NCOA3: variants seen among roughly 807,000 people sequenced by gnomAD.
NCOA3 encodes CBP-interacting protein.
Under a neutral mutation model 158.8 loss-of-function variants are expected in NCOA3, and 51 were observed. The observed-to-expected ratio is 0.32, with a 90% CI of 0.26 to 0.41. The LOEUF is 0.41. NCOA3 is among the 10% of genes least tolerant of loss of function. The pLI, the probability that NCOA3 is intolerant of heterozygous loss-of-function variation, is 1.00. For synonymous variants in NCOA3, 537 were observed against 592.4 expected (o/e 0.91, Z 1.36); for missense variants, 1,510 against 1,746.6 (o/e 0.86, Z 2.41).
At chr20:47,646,543 G>A (rs2146339808) in intron 17 of NCOA3, among the ~76,000 whole-genome samples, 1 of 152,344 alleles carries the variant, frequency 6.6e-6, no homozygotes, top group African/African-American at 2.4e-5. Context: ...AAAGTTCAGA[G>A]ATGTTTTGGC....
At chr20:47,553,067 G>A (rs2084947948) in intron 1 of NCOA3, among the ~76,000 whole-genome samples, 1 of 151,872 alleles carries the variant, frequency 6.6e-6, no homozygotes, top group African/African-American at 2.4e-5. Flanking sequence ...CCGGGTAGCT[G>A]GGACTACAAG....
chr20:47,589,882 G>A (rs529853572), intron 2 of NCOA3, among the ~76,000 whole-genome samples: 90 of 152,000 alleles, frequency 5.9e-4, no homozygotes, highest in Non-Finnish European at 1.1e-3. Context: ...CCAAGAACAG[G>A]TACCAGGCCC....
At chr20:47,523,433 A>G (rs2146087174) in intron 1 of NCOA3, among the ~76,000 whole-genome samples, 1 of 152,254 alleles carries the variant, frequency 6.6e-6, no homozygotes, top group South Asian at 2.1e-4. Flanking sequence ...TTGGAGTTTG[A>G]TTGCTTCTAG....
At chr20:47,527,120 G>T (rs1166399748) in intron 1 of NCOA3, among the ~76,000 whole-genome samples, 1 of 152,120 alleles carries the variant, frequency 6.6e-6, no homozygotes, top group Non-Finnish European at 1.5e-5. Context: ...GTATATATAG[G>T]TGATCATGTC....
intron 2 of NCOA3, among the ~76,000 whole-genome samples, chr20:47,595,246 G>A (rs1030988672): frequency 3.3e-5 from 5 of 151,624 alleles, no homozygotes; most frequent in African/African-American, 1.2e-4. Flanking sequence ...CTACAGGCAC[G>A]TACCACCATG....
intron 18 of NCOA3, among the ~76,000 whole-genome samples, chr20:47,647,886 GTTTTT>G (rs140010942): frequency 1.5e-5 from 2 of 130,736 alleles, no homozygotes; most frequent in Non-Finnish European, 3.3e-5. Flanking sequence ...AATGCCTGAG[GTTTTT>G]TTTTTGTTTG....
At chr20:47,646,385 G>T (rs2086686126) in intron 17 of NCOA3, among the ~76,000 whole-genome samples, 1 of 152,182 alleles carries the variant, frequency 6.6e-6, no homozygotes, top group African/African-American at 2.4e-5. Context: ...ACTGTATTGT[G>T]ATATAGTAGG....
In NCOA3 at chr20:47,647,144, A is replaced by G; in HGVS notation, c.3324A>G (p.Ala1108=). The change falls in exon 18 of 23, where the codon GCA becomes GCG. Residue 1108 remains alanine, a synonymous_variant. Transcript: ENST00000371998. ...CAGCAGTAATGATGGATCAGAAGGC[A>G]GGATTATATGGACAGACATACCCAG... ...QEAAVMMDQK[A]GLYGQTYPAQ... 2 of 1,614,232 alleles carry G rather than the reference A, an allele frequency of 1.2e-6. No individual in the cohort carries two copies. The highest frequency in any genetic ancestry group is 1.7e-6 in the Non-Finnish European group (2 of 1,180,030).
chr20:47,515,759 C>T (rs1164546763), intron 1 of NCOA3, among the ~76,000 whole-genome samples: 5 of 152,076 alleles, frequency 3.3e-5, no homozygotes, highest in South Asian at 2.1e-4. Context: ...GGATTACAGG[C>T]GTGAGCCACT....
intron 1 of NCOA3, among the ~76,000 whole-genome samples, chr20:47,567,135 C>T (rs2085210076): frequency 6.6e-6 from 1 of 151,860 alleles, no homozygotes; most frequent in Non-Finnish European, 1.5e-5. Flanking sequence ...GCAACCTCTG[C>T]CTCCTGGGTT....
intron 1 of NCOA3, among the ~76,000 whole-genome samples, chr20:47,577,841 C>G (rs953694006): frequency 6.6e-6 from 1 of 152,152 alleles, no homozygotes; most frequent in Non-Finnish European, 1.5e-5. Context: ...CAGGCTGATT[C>G]CGTATAGAAC....
chr20:47,562,636 A>G (rs17788495), intron 1 of NCOA3, among the ~76,000 whole-genome samples: 10,335 of 152,150 alleles, frequency 0.068, 455 homozygotes, highest in Non-Finnish European at 0.097. Context: ...TTTGAATGTA[A>G]AACGGCCTAG....
At chr20:47,521,857 A>T (rs951244527) in intron 1 of NCOA3, among the ~76,000 whole-genome samples, 1 of 152,066 alleles carries the variant, frequency 6.6e-6, no homozygotes, top group Non-Finnish European at 1.5e-5. Context: ...TTCCTTTTCA[A>T]GTTGTTTTGG....
Position 47,627,120 on chromosome 20 carries a change from A to G in NCOA3, c.476A>G (p.Asn159Ser), listed in dbSNP as rs537574486. 32 of 1,612,468 alleles carry G rather than the reference A, an allele frequency of 2.0e-5. No homozygotes were observed. Among genetic ancestry groups the G allele is most frequent in the Non-Finnish European group, 2.6e-5 (31 of 1,179,002 alleles). ...GACCTGGTTAACACAAGTGTTTACA[A>G]TATCTTACATGAAGAAGACAGAAAG... ...QEDLVNTSVY[N>S]ILHEEDRKDF... Residue 159 changes from asparagine to serine, a missense_variant, in exon 6 of 23, where the codon AAT (asparagine) becomes AGT (serine). Physicochemically the swap from Asn to Ser is conservative, Grantham distance 46. Coordinates refer to ENST00000371998, the MANE Select transcript of NCOA3 (RefSeq NM_181659.3).
At chr20:47,627,464 A>G in intron 6 of NCOA3, 97 bp from the exon 7 acceptor site, 1 of 948,594 alleles carries the variant, frequency 1.1e-6, no homozygotes, top group South Asian at 1.6e-5. Context: ...AACTATGGAA[A>G]ACATGCATAA....
intron 1 of NCOA3, among the ~76,000 whole-genome samples, chr20:47,533,168 C>T (rs1323347456): frequency 6.8e-6 from 1 of 147,970 alleles, no homozygotes; most frequent in Non-Finnish European, 1.5e-5. Context: ...CTCTGTAATC[C>T]CAGCTACTCA....
chr20:47,554,156 C>T (rs1327353628), intron 1 of NCOA3, among the ~76,000 whole-genome samples: 8 of 152,180 alleles, frequency 5.3e-5, no homozygotes, highest in African/African-American at 1.9e-4. Flanking sequence ...CCAGTGATGA[C>T]GAGCATTTTT....
chr20:47,611,437 G>A (rs1488743875), intron 2 of NCOA3, among the ~76,000 whole-genome samples: 2 of 152,130 alleles, frequency 1.3e-5, no homozygotes, highest in Non-Finnish European at 2.9e-5. Context: ...AGATACTTAT[G>A]TCTGTCAAAG....
chr20:47,618,845 A>G (rs1183245766), intron 2 of NCOA3, among the ~76,000 whole-genome samples: 2 of 152,226 alleles, frequency 1.3e-5, no homozygotes, highest in African/African-American at 4.8e-5. Context: ...GCTTAACACA[A>G]ATGATCTGCA....
Sources: allele counts gnomAD v4.1 joint callset (sites outside exome capture counted in the v4.1 genomes callset), GRCh38; gene constraint gnomAD v4.1.1; transcripts MANE v1.5; gene names NCBI Gene and HGNC (gene_info 2026-07-23, HGNC 2026-07-21).